The following PALM2AKAP2 variants were observed in gnomAD, a reference collection of about 807,000 sequenced individuals.
The protein encoded by PALM2AKAP2 is PALM2 and AKAP2 fusion, also known as PALM2-AKAP2 fusion protein.
PALM2AKAP2 carries 37 observed loss-of-function variants against 71.5 expected under a neutral mutation model. The ratio of observed to expected loss-of-function variants is 0.52; its 90% CI spans 0.40 to 0.68. The LOEUF (loss-of-function observed/expected upper bound fraction) is 0.68, where lower values mean the gene tolerates loss of function less well. Among genes scored for constraint, PALM2AKAP2 ranks in the 30% least tolerant of loss-of-function variants. The pLI is 0.00. For missense variants in PALM2AKAP2, 1,224 were observed against 1,191.8 expected (o/e 1.03, Z -0.40); for synonymous variants, 468 against 478.8 (o/e 0.98, Z 0.29).
At chr9:109,713,742 C>A (rs1464172248) in intron 1 of PALM2AKAP2, among the ~76,000 whole-genome samples, 1 of 152,068 alleles carries the variant, frequency 6.6e-6, no homozygotes, top group Non-Finnish European at 1.5e-5. Context: ...CAATGGTTGC[C>A]AGGAACCTGG....
At chr9:110,089,459 CACAGTT>C (rs2118772446) in intron 1 of PALM2AKAP2, among the ~76,000 whole-genome samples, 1 of 152,286 alleles carries the variant, frequency 6.6e-6, no homozygotes, top group East Asian at 1.9e-4. Flanking sequence ...TGGATGAGGT[CACAGTT>C]ACCCCTTGGC....
intron 1 of PALM2AKAP2, among the ~76,000 whole-genome samples, chr9:109,822,268 T>TATCCATCCATCCATCC (rs10571516): frequency 2.0e-5 from 3 of 150,296 alleles, no homozygotes; most frequent in East Asian, 3.9e-4. Flanking sequence ...CCCATCCATC[T>TATCCATCCATCCATCC]ATCCATCCAT....
intron 3 of PALM2AKAP2, among the ~76,000 whole-genome samples, chr9:109,905,657 G>A (rs971768270): frequency 6.6e-6 from 1 of 152,208 alleles, no homozygotes; most frequent in African/African-American, 2.4e-5. Flanking sequence ...GCTACCCCAA[G>A]CCCCGTTTTG....
intron 1 of PALM2AKAP2, among the ~76,000 whole-genome samples, chr9:109,842,696 T>C (rs1334273593): frequency 6.6e-6 from 1 of 152,090 alleles, no homozygotes; most frequent in Non-Finnish European, 1.5e-5. Flanking sequence ...TAATGATATC[T>C]GACAAGAAGT....
At chr9:109,859,503 C>A (rs906903146) in intron 1 of PALM2AKAP2, among the ~76,000 whole-genome samples, 1 of 152,160 alleles carries the variant, frequency 6.6e-6, no homozygotes, top group Non-Finnish European at 1.5e-5. Context: ...TATTATACAT[C>A]CTATGCATGT....
At chr9:110,108,384 A>T (rs903896814) in intron 1 of PALM2AKAP2, among the ~76,000 whole-genome samples, 1 of 152,148 alleles carries the variant, frequency 6.6e-6, no homozygotes, top group African/African-American at 2.4e-5. Flanking sequence ...AAGTGCTGGG[A>T]TTACAGGCGT....
chr9:109,797,941 G>A (rs908397984), intron 1 of PALM2AKAP2, among the ~76,000 whole-genome samples: 2 of 152,086 alleles, frequency 1.3e-5, no homozygotes, highest in Non-Finnish European at 1.5e-5. Flanking sequence ...TTCCAGGGCT[G>A]TTATAATAAA....
chr9:110,123,023 C>CT (rs1403495753), intron 1 of PALM2AKAP2, among the ~76,000 whole-genome samples: 2 of 152,200 alleles, frequency 1.3e-5, no homozygotes, highest in African/African-American at 4.8e-5. Context: ...GTATAATCCA[C>CT]TTTTCTGGAG....
intron 1 of PALM2AKAP2, among the ~76,000 whole-genome samples, chr9:109,687,905 T>C (rs936366030): frequency 2.0e-5 from 3 of 152,184 alleles, no homozygotes; most frequent in African/African-American, 7.2e-5. Flanking sequence ...GGGTTATTAG[T>C]TGGCCTGTTT....
At chr9:109,848,844 A>G (rs1321976683) in intron 1 of PALM2AKAP2, among the ~76,000 whole-genome samples, 1 of 151,334 alleles carries the variant, frequency 6.6e-6, no homozygotes, top group Non-Finnish European at 1.5e-5. Context: ...GCCTGAGCCC[A>G]TGGGGTCGAG....
At chr9:109,866,129 G>A (rs1414907535) in intron 1 of PALM2AKAP2, among the ~76,000 whole-genome samples, 1 of 152,184 alleles carries the variant, frequency 6.6e-6, no homozygotes, top group African/African-American at 2.4e-5. Context: ...TGTAAGGTCT[G>A]GGCATTGCAC....
At chr9:109,747,454 C>A (rs1477740236) in intron 1 of PALM2AKAP2, among the ~76,000 whole-genome samples, 1 of 152,050 alleles carries the variant, frequency 6.6e-6, no homozygotes, top group Non-Finnish European at 1.5e-5. Flanking sequence ...GGCATTCATG[C>A]AGAATTTGAT....
intron 1 of PALM2AKAP2, among the ~76,000 whole-genome samples, chr9:109,817,884 C>T (rs193217822): frequency 1.3e-5 from 2 of 152,296 alleles, no homozygotes; most frequent in East Asian, 3.9e-4. Context: ...TGGAACCTGC[C>T]ACTCACCAGG....
chr9:110,065,129 C>G (rs762516124), intron 1 of PALM2AKAP2, among the ~76,000 whole-genome samples: 27 of 152,198 alleles, frequency 1.8e-4, no homozygotes, highest in Non-Finnish European at 2.8e-4. Flanking sequence ...GTGACAGCAG[C>G]CTGACAGCCC....
At chr9:110,064,580 A>G (rs1834034226) in intron 1 of PALM2AKAP2, among the ~76,000 whole-genome samples, 1 of 152,258 alleles carries the variant, frequency 6.6e-6, no homozygotes, top group Admixed American at 6.5e-5. Flanking sequence ...CAGAAGCCAC[A>G]GGACTGTGAT....
intron 1 of PALM2AKAP2, among the ~76,000 whole-genome samples, chr9:109,688,828 A>G (rs1040512254): frequency 6.6e-6 from 1 of 152,226 alleles, no homozygotes; most frequent in Non-Finnish European, 1.5e-5. Flanking sequence ...CAGCCTGCCA[A>G]GAAATTAGGC....
chr9:109,776,359 G>C (rs2118777780), upstream of PALM2AKAP2, among the ~76,000 whole-genome samples: 1 of 152,222 alleles, frequency 6.6e-6, no homozygotes, highest in Non-Finnish European at 1.5e-5. Flanking sequence ...TAGGGTTCTT[G>C]GTCCCAAGCA....
chr9:109,741,465 G>A (rs1828714695), intron 1 of PALM2AKAP2, among the ~76,000 whole-genome samples: 1 of 152,146 alleles, frequency 6.6e-6, no homozygotes, highest in Non-Finnish European at 1.5e-5. Context: ...TTTCTCTTGG[G>A]TACATACCTA....
intron 1 of PALM2AKAP2, among the ~76,000 whole-genome samples, chr9:109,749,664 A>C (rs918914113): frequency 7.2e-5 from 11 of 152,194 alleles, no homozygotes; most frequent in Non-Finnish European, 1.5e-4. Flanking sequence ...TCCTATAGAA[A>C]AATTCAGGAC....
Sources: gnomAD v4.1 joint callset for allele counts (sites outside exome capture counted in the v4.1 genomes callset) on GRCh38, gnomAD v4.1.1 for gene constraint, MANE v1.5 for transcripts, NCBI Gene and HGNC (gene_info 2026-07-23, HGNC 2026-07-21) for gene names.